The following TMIGD3 variants were observed in gnomAD, a reference collection of about 807,000 sequenced individuals.
TMIGD3 encodes AD026 protein (AD026).
In TMIGD3, 21 loss-of-function variants were observed where a neutral mutation model predicts 28.1. That is an observed-to-expected ratio of 0.75 (90% CI 0.53 to 1.08). The LOEUF (loss-of-function observed/expected upper bound fraction) is 1.08. Among genes scored for constraint, TMIGD3 ranks in the 50% least tolerant of loss-of-function variants. TMIGD3 has a pLI of 0.00. For missense variants in TMIGD3, 416 were observed against 435.6 expected (o/e 0.96, Z 0.40); for synonymous variants, 151 against 162.1 (o/e 0.93, Z 0.52).
chr1:111,545,523 G>C (rs528419344), intron 1 of TMIGD3, among the ~76,000 whole-genome samples: 1 of 152,056 alleles, frequency 6.6e-6, no homozygotes, highest in East Asian at 1.9e-4. Flanking sequence ...CTGGCTACTA[G>C]ACTATTATCA....
chr1:111,525,533 T>C (rs1656233977), intron 1 of TMIGD3, among the ~76,000 whole-genome samples: 1 of 152,216 alleles, frequency 6.6e-6, no homozygotes, highest in South Asian at 2.1e-4. Context: ...ATTTTTAATC[T>C]TGTTACTTTT....
chr1:111,549,927 A>T (rs1384054875), intron 1 of TMIGD3, among the ~76,000 whole-genome samples: 1 of 152,184 alleles, frequency 6.6e-6, no homozygotes, highest in African/African-American at 2.4e-5. Flanking sequence ...TGCTGGAATT[A>T]CAGGCATGAG....
At chr1:111,513,012 T>A (rs1236088434) in intron 1 of TMIGD3, among the ~76,000 whole-genome samples, 1 of 152,160 alleles carries the variant, frequency 6.6e-6, no homozygotes, top group Non-Finnish European at 1.5e-5. Context: ...TAAGCAGGCC[T>A]GCTGGGTGGA....
At chr1:111,509,026 C>T (rs1031459949) in intron 1 of TMIGD3, among the ~76,000 whole-genome samples, 1 of 152,192 alleles carries the variant, frequency 6.6e-6, no homozygotes, top group African/African-American at 2.4e-5. Context: ...ACCCGGGAGG[C>T]GGAGGTTGCA....
Position 111,483,352 on chromosome 1 carries a change from T to C in TMIGD3, c.*335A>G. 1 of 287,610 alleles carries C rather than the reference T, an allele frequency of 3.5e-6. No homozygotes were observed. The highest frequency in any genetic ancestry group is 6.7e-6 in the Non-Finnish European group (1 of 150,342). 17.8% of individuals were successfully genotyped at this position (287,610 alleles called of 1,614,324 possible). Reference sequence around the variant, plus strand: ...GAAGTTACTCATACCTTGGAGTTCATTCAACACTGGCTAGGAATTTATTGG... The same window carrying C: ...GAAGTTACTCATACCTTGGAGTTCACTCAACACTGGCTAGGAATTTATTGG... On this transcript the variant is annotated 3_prime_UTR_variant, in exon 6 of 6. Coordinates refer to ENST00000369716, the MANE Select transcript of TMIGD3 (RefSeq NM_020683.7).
chr1:111,500,185 A>G (rs1393778125), intron 1 of TMIGD3: 2 of 1,614,216 alleles, frequency 1.2e-6, no homozygotes, highest in Admixed American at 3.3e-5. Flanking sequence ...CAGCCATGAC[A>G]GAGCAAACAA....
intron 1 of TMIGD3, chr1:111,500,092 T>C (rs1392375716): frequency 6.2e-7 from 1 of 1,614,238 alleles, no homozygotes; most frequent in South Asian, 1.1e-5. Context: ...GGAGTTGGCA[T>C]GGGACAGCAG....
chr1:111,554,620 C>T lies in TMIGD3; in HGVS notation c.107+9226G>A, dbSNP rs1657405561. On this transcript the variant is annotated intron_variant, in intron 1 of 5. Transcript: ENST00000369717. ...GCTCAGTGAATAATTAAAAGAGACA[C>T]ACATATACCCCTCAAAGGAATATGG... Among the ~76,000 whole-genome samples, 3 of 152,200 alleles carry T rather than the reference C, an allele frequency of 2.0e-5. No homozygotes were observed. The South Asian group carries it at 6.2e-4, about 31-fold the overall frequency.
intron 3 of TMIGD3, among the ~76,000 whole-genome samples, chr1:111,487,199 G>A (rs1302807095): frequency 4.6e-5 from 7 of 152,322 alleles, no homozygotes; most frequent in Non-Finnish European, 7.3e-5. Flanking sequence ...TAAGGAGTAC[G>A]TTCAGGTGGG....
At chr1:111,492,888 A>G (rs952164629) in intron 1 of TMIGD3, among the ~76,000 whole-genome samples, 1 of 151,988 alleles carries the variant, frequency 6.6e-6, no homozygotes, top group African/African-American at 2.4e-5. Context: ...TGATGTGTCT[A>G]CTAGTATTCT....
chr1:111,532,749 T>A (rs145354411), intron 1 of TMIGD3, among the ~76,000 whole-genome samples: 2 of 152,260 alleles, frequency 1.3e-5, no homozygotes, highest in East Asian at 3.9e-4. Flanking sequence ...CAGGGCTGAG[T>A]GTTGCCTAAC....
intron 1 of TMIGD3, among the ~76,000 whole-genome samples, chr1:111,548,214 T>C (rs1657110238): frequency 6.6e-6 from 1 of 152,082 alleles, no homozygotes; most frequent in South Asian, 2.1e-4. Context: ...AGAGATGGGG[T>C]TTCCCCATGT....
intron 1 of TMIGD3, among the ~76,000 whole-genome samples, chr1:111,538,643 A>G (rs898341942): frequency 6.6e-5 from 10 of 152,216 alleles, no homozygotes; most frequent in African/African-American, 1.4e-4. Flanking sequence ...CAATCGCAAC[A>G]TCTATAGTCA....
chr1:111,550,537 T>C (rs1657218559), intron 1 of TMIGD3, among the ~76,000 whole-genome samples: 1 of 152,232 alleles, frequency 6.6e-6, no homozygotes, highest in African/African-American at 2.4e-5. Context: ...TGTTATGTTT[T>C]CATTTCTATT....
intron 1 of TMIGD3, among the ~76,000 whole-genome samples, chr1:111,509,569 A>G (rs1655623890): frequency 6.6e-6 from 1 of 152,178 alleles, no homozygotes; most frequent in Non-Finnish European, 1.5e-5. Flanking sequence ...CCAAATGTTT[A>G]CAGTAGGGCA....
chr1:111,489,667 G>C, intron 2 of TMIGD3: 1 of 1,143,724 alleles, frequency 8.7e-7, no homozygotes, highest in Non-Finnish European at 1.1e-6. Flanking sequence ...GAGGCTTACC[G>C]TTAGGAGGCC....
chr1:111,488,643 T>C, intron 3 of TMIGD3, 34 bp downstream of exon 3: 1 of 1,578,928 alleles, frequency 6.3e-7, no homozygotes, highest in East Asian at 2.2e-5. Flanking sequence ...TGGCTGTGGG[T>C]TACATCCAGC....
chr1:111,498,111 G>T (rs149298099), intron 1 of TMIGD3, among the ~76,000 whole-genome samples: 139 of 152,310 alleles, frequency 9.1e-4, no homozygotes, highest in African/African-American at 3.2e-3. Flanking sequence ...AGGAGGAGAA[G>T]CAAAGCTCCT....
chr1:111,557,378 C>T (rs1657537987), intron 1 of TMIGD3, among the ~76,000 whole-genome samples: 1 of 152,026 alleles, frequency 6.6e-6, no homozygotes. Context: ...GAAACCCTGT[C>T]TCTACTAAAA....
Sources: allele counts gnomAD v4.1 joint callset (sites outside exome capture counted in the v4.1 genomes callset), GRCh38; gene constraint gnomAD v4.1.1; transcripts MANE v1.5; gene names NCBI Gene and HGNC (gene_info 2026-07-23, HGNC 2026-07-21).